The following PPARGC1A variants were observed in gnomAD, a reference collection of about 807,000 sequenced individuals.
PPARGC1A encodes PPARG coactivator 1 alpha, also known as peroxisome proliferator-activated receptor gamma coactivator 1-alpha.
Under a neutral mutation model 88.7 loss-of-function variants are expected in PPARGC1A, and 25 were observed. That is an observed-to-expected ratio of 0.28 (90% confidence interval 0.21 to 0.39). PPARGC1A has a LOEUF of 0.39. PPARGC1A is among the 10% of genes least tolerant of loss of function. The pLI, the probability that PPARGC1A is intolerant of heterozygous loss-of-function variation, is 1.00. For synonymous variants in PPARGC1A, 363 were observed against 355.6 expected, an observed-to-expected ratio of 1.02 and a Z score of -0.24; for missense variants, 880 against 968.7, an observed-to-expected ratio of 0.91 and a Z score of 1.22.
chr4:23,801,318 A>G (rs1718682916), intron 12 of PPARGC1A, among the ~76,000 whole-genome samples: 1 of 152,036 alleles, frequency 6.6e-6, no homozygotes, highest in African/African-American at 2.4e-5. Flanking sequence ...CACAAAGCAC[A>G]ATACTACACA....
the PPARGC1A span, among the ~76,000 whole-genome samples, chr4:24,441,281 T>A: frequency 6.6e-6 from 1 of 152,160 alleles, no homozygotes; most frequent in Non-Finnish European, 1.5e-5. Flanking sequence ...TCCTGACCAC[T>A]TCTTCTTCTA....
At chr4:24,015,273 G>T in the PPARGC1A span, among the ~76,000 whole-genome samples, 1 of 147,846 alleles carries the variant, frequency 6.8e-6, no homozygotes, top group Admixed American at 6.6e-5. Flanking sequence ...ATGAGATAGA[G>T]ATAGAGATAG....
At chr4:24,448,531 C>A in the PPARGC1A span, among the ~76,000 whole-genome samples, 3 of 152,202 alleles carry the variant, frequency 2.0e-5, no homozygotes, top group Non-Finnish European at 2.9e-5. Context: ...ATTCCCACAT[C>A]ACTGAAAATA....
At chr4:23,805,896 G>A (rs950277305) in intron 10 of PPARGC1A, among the ~76,000 whole-genome samples, 3 of 152,120 alleles carry the variant, frequency 2.0e-5, no homozygotes, top group Non-Finnish European at 2.9e-5. Context: ...AAGTTAAAGC[G>A]AAAATCGACC....
chr4:24,368,828 G>A, the PPARGC1A span, among the ~76,000 whole-genome samples: 9 of 152,158 alleles, frequency 5.9e-5, no homozygotes. Flanking sequence ...ATCAGGAGAC[G>A]CGGAAGAAAC....
At chr4:24,083,595 T>C in the PPARGC1A span, among the ~76,000 whole-genome samples, 10 of 152,268 alleles carry the variant, frequency 6.6e-5, no homozygotes, top group African/African-American at 2.4e-4. Flanking sequence ...AAATGGTCAG[T>C]GAGACGTCAT....
chr4:24,136,677 C>A, the PPARGC1A span, among the ~76,000 whole-genome samples: 1 of 152,166 alleles, frequency 6.6e-6, no homozygotes, highest in Non-Finnish European at 1.5e-5. Context: ...AGCCTGTTTC[C>A]TCACCTGAAA....
the PPARGC1A span, among the ~76,000 whole-genome samples, chr4:23,984,013 TTA>T: frequency 6.6e-6 from 1 of 152,142 alleles, no homozygotes; most frequent in Admixed American, 6.6e-5. Context: ...TTTTATGTAT[TTA>T]GTCATTTATA....
chr4:24,199,015 C>T, the PPARGC1A span, among the ~76,000 whole-genome samples: 1 of 152,134 alleles, frequency 6.6e-6, no homozygotes, highest in Non-Finnish European at 1.5e-5. Flanking sequence ...GCATCTGTTG[C>T]CCTCTCTGCC....
At chr4:23,901,302 G>A (rs1250221431), upstream of PPARGC1A, among the ~76,000 whole-genome samples, 12 of 151,320 alleles carry the variant, frequency 7.9e-5, no homozygotes, top group Admixed American at 3.9e-4. Context: ...CCCGGGAGGC[G>A]GAGCTTGCAG....
chr4:24,230,491 T>C, the PPARGC1A span, among the ~76,000 whole-genome samples: 3 of 152,106 alleles, frequency 2.0e-5, no homozygotes, highest in Admixed American at 2.0e-4. Flanking sequence ...TTTTCGCTGG[T>C]TCCTGATGGG....
At chr4:24,252,387 A>G in the PPARGC1A span, among the ~76,000 whole-genome samples, 1 of 152,136 alleles carries the variant, frequency 6.6e-6, no homozygotes. Context: ...CTACTCCCAG[A>G]TAGCTTTTCA....
chr4:24,328,238 A>C, the PPARGC1A span, among the ~76,000 whole-genome samples: 1 of 117,554 alleles, frequency 8.5e-6, no homozygotes, highest in Non-Finnish European at 1.8e-5. Flanking sequence ...TCCCCACAAA[A>C]CAGAAATTAG....
chr4:24,389,650 AG>A, the PPARGC1A span, among the ~76,000 whole-genome samples: 2 of 152,318 alleles, frequency 1.3e-5, no homozygotes, highest in Admixed American at 1.3e-4. Flanking sequence ...GCCCTGAGGG[AG>A]GCTGGCTTTA....
chr4:24,352,196 C>A, the PPARGC1A span, among the ~76,000 whole-genome samples: 1 of 152,024 alleles, frequency 6.6e-6, no homozygotes, highest in African/African-American at 2.4e-5. Flanking sequence ...TGGCAACTGA[C>A]CCAAATACAG....
At chr4:23,833,820 A>C (rs1430593884) in intron 2 of PPARGC1A, among the ~76,000 whole-genome samples, 1 of 152,144 alleles carries the variant, frequency 6.6e-6, no homozygotes, top group East Asian at 1.9e-4. Context: ...CATCCCTCTC[A>C]CGTCCCTGGA....
intron 7 of PPARGC1A, among the ~76,000 whole-genome samples, chr4:23,817,694 G>T (rs1296418497): frequency 1.3e-5 from 2 of 152,066 alleles, no homozygotes; most frequent in African/African-American, 4.8e-5. Flanking sequence ...GATGGAGAGA[G>T]AAAAATAATT....
At chr4:23,914,473 T>C in the PPARGC1A span, among the ~76,000 whole-genome samples, 11 of 152,192 alleles carry the variant, frequency 7.2e-5, no homozygotes, top group Non-Finnish European at 1.6e-4. Context: ...TCTCAGGCTG[T>C]CTGACTCCCA....
chr4:24,195,156 C>G, the PPARGC1A span, among the ~76,000 whole-genome samples: 1 of 152,154 alleles, frequency 6.6e-6, no homozygotes, highest in Admixed American at 6.5e-5. Flanking sequence ...AGTACAGACT[C>G]TTACACCTGC....
Sources: gnomAD v4.1 joint callset for allele counts (sites outside exome capture counted in the v4.1 genomes callset) on GRCh38, gnomAD v4.1.1 for gene constraint, MANE v1.5 for transcripts, NCBI Gene and HGNC (gene_info 2026-07-23, HGNC 2026-07-21) for gene names.